The following THUMPD3 variants were observed in gnomAD, a reference collection of about 807,000 sequenced individuals.
THUMPD3 encodes the protein THUMP domain 3 tRNA guanosine methyltransferase, also known as tRNA (guanine(6)-N(2))-methyltransferase THUMP3.
A neutral mutation model predicts 54.5 loss-of-function variants in THUMPD3; 44 were observed. The ratio of observed to expected loss-of-function variants is 0.81; its 90% confidence interval spans 0.63 to 1.04. The LOEUF (loss-of-function observed/expected upper bound fraction) is 1.04. THUMPD3 is among the 50% of genes least tolerant of loss of function. THUMPD3 has a pLI of 0.00. For synonymous variants in THUMPD3, 196 were observed against 201.4 expected (o/e 0.97, Z 0.23); for missense variants, 604 against 601.3 (o/e 1.00, Z -0.05).
intron 4 of THUMPD3, among the ~76,000 whole-genome samples, chr3:9,372,116 C>T (rs2032091853): frequency 6.6e-6 from 1 of 152,162 alleles, no homozygotes; most frequent in Admixed American, 6.5e-5. Flanking sequence ...TAGTGATCTG[C>T]CTGTCTTGGC....
At chr3:9,381,897 A>G (rs2032942994) in intron 7 of THUMPD3, among the ~76,000 whole-genome samples, 1 of 147,828 alleles carries the variant, frequency 6.8e-6, no homozygotes, top group Admixed American at 6.8e-5. Flanking sequence ...CTCCTGCCTC[A>G]GCCTCCCAAG....
At chr3:9,383,979 A>C (rs2033127096) in intron 8 of THUMPD3, among the ~76,000 whole-genome samples, 1 of 152,218 alleles carries the variant, frequency 6.6e-6, no homozygotes, top group Non-Finnish European at 1.5e-5. Flanking sequence ...TTATTATACT[A>C]AGAGGACAAG....
intron 1 of THUMPD3, among the ~76,000 whole-genome samples, chr3:9,364,774 T>C (rs2031367605): frequency 6.6e-6 from 1 of 152,260 alleles, no homozygotes; most frequent in African/African-American, 2.4e-5. Context: ...AAAGCAAACA[T>C]TGCATGCTAT....
At chr3:9,383,019 G>A in intron 7 of THUMPD3, 180 bp from the exon 8 acceptor site, 1 of 492,762 alleles carries the variant, frequency 2.0e-6, no homozygotes, top group East Asian at 3.2e-5. Flanking sequence ...AAGCTACCAT[G>A]CCCAGCCTGA....
At position 9,384,605 on chromosome 3, in the gene THUMPD3, G is replaced by T. The variant is rs773820407; in HGVS notation, c.1441G>T (p.Val481Phe). Residue 481 changes from valine to phenylalanine, a missense_variant, in exon 10 of 10, where the codon GTT becomes TTT. By Grantham distance (50) the Val-to-Phe change is conservative. Coordinates refer to ENST00000452837, the MANE Select transcript of THUMPD3 (RefSeq NM_001114092.2). Reference sequence around the variant, plus strand: ...TGGTGGTCTTCGTGCTGCAGTTTACGTTCTGATACGTACACCTCAAGCTTT... The same window carrying T: ...TGGTGGTCTTCGTGCTGCAGTTTACTTTCTGATACGTACACCTCAAGCTTT... ...NVGGLRAAVYVLIRTPQAFVH... is the reference protein window; with the variant it reads ...NVGGLRAAVYFLIRTPQAFVH... 3 of 1,614,182 alleles carry T rather than the reference G, an allele frequency of 1.9e-6. No individual in the cohort carries two copies. The highest frequency in any genetic ancestry group is 2.7e-5 in the African/African-American group (2 of 75,042).
chr3:9,365,266 C>T lies in THUMPD3; in HGVS notation c.198C>T (p.Ile66=). Residue 66 remains isoleucine, a synonymous_variant, in exon 2 of 10, where the codon ATC becomes ATT. Transcript: ENST00000452837. The part of the protein sequence containing the change: ...VREKLGSSCK[I]SRDRGKIYFV... ...AGAAACTTGGGTCATCATGCAAAAT[C>T]AGCAGAGACCGTGGCAAGATATATT... The T allele has an allele frequency of 5.6e-6, 9 of 1,614,174 alleles. No individual in the cohort carries two copies. The highest frequency in any genetic ancestry group is 7.6e-6 in the Non-Finnish European group (9 of 1,180,034).
rs1205979788 is a variant in THUMPD3, at chr3:9,365,318, C to G, written c.250C>G (p.Gln84Glu). The G allele has an allele frequency of 6.2e-7, 1 of 1,614,186 alleles. No individual in the cohort carries two copies. Among genetic ancestry groups the G allele is most frequent in the African/African-American group, 1.3e-5 (1 of 75,066 alleles). ...YFVISVESLA[Q>E]VHCLRSVDNL... Reference sequence around the variant, plus strand: ...TGTCATTTCAGTGGAAAGTCTGGCACAGGTTTGAATGGAGCAATATTTAAA... The same window carrying G: ...TGTCATTTCAGTGGAAAGTCTGGCAGAGGTTTGAATGGAGCAATATTTAAA... The change falls in exon 2 of 10, where the codon CAG (glutamine) becomes GAG (glutamate). Residue 84 changes from glutamine (Q) to glutamate (E), a missense_variant and splice_region_variant. Coordinates refer to ENST00000452837, the MANE Select transcript of THUMPD3 (RefSeq NM_001114092.2).
In THUMPD3 at chr3:9,384,526, G is replaced by A. The variant is rs772626670; in HGVS notation, c.1362G>A (p.Ala454=). Residue 454 remains alanine, a splice_region_variant and synonymous_variant, in exon 10 of 10, where the codon GCG becomes GCA. Coordinates refer to ENST00000452837, the MANE Select transcript of THUMPD3 (RefSeq NM_001114092.2). ...LTQDTKCFTK[A]LSGMRHVWRK... ...TTATTTTTTTTGTGTGTACACAGGC[G>A]TTATCTGGAATGCGACACGTATGGC... The A allele has an allele frequency of 5.0e-5, 81 of 1,614,014 alleles. No homozygotes were observed. The highest frequency in any genetic ancestry group is 1.6e-4 in the Middle Eastern group (1 of 6,078).
chr3:9,383,169 T>C lies in THUMPD3; in HGVS notation c.1125-30T>C, dbSNP rs77712533. 3.4e-4 allele frequency: 504 copies of C among 1,478,118 alleles called. 2 individuals are homozygous for C. In the African/African-American group the frequency reaches 6.0e-3, roughly 18 times the overall value. 91.6% of individuals were successfully genotyped at this position (1,478,118 alleles called of 1,614,324 possible). On this transcript the variant is annotated intron_variant, in intron 7 of 9. Coordinates refer to ENST00000452837, the MANE Select transcript of THUMPD3 (RefSeq NM_001114092.2). ...TGTAATAACTTTATGCTTCACAGTATGTTGAAGCACCTTTCCTTTGTCCCC... is the reference window on the plus strand; with the variant it reads ...TGTAATAACTTTATGCTTCACAGTACGTTGAAGCACCTTTCCTTTGTCCCC...
At chr3:9,384,371 G>T in intron 9 of THUMPD3, 36 bp downstream of exon 9, 1 of 1,599,016 alleles carries the variant, frequency 6.3e-7, no homozygotes, top group Middle Eastern at 1.7e-4. Flanking sequence ...GCAGCCTGTG[G>T]CAACTTTGGG....
chr3:9,364,904 C>A, intron 1 of THUMPD3, 112 bp from the exon 2 acceptor site: 2 of 809,940 alleles, frequency 2.5e-6, no homozygotes, highest in Non-Finnish European at 1.9e-6. Flanking sequence ...ACTTTGGTGA[C>A]TGTTTATCAG....
intron 4 of THUMPD3, among the ~76,000 whole-genome samples, chr3:9,374,006 C>T (rs2032260510): frequency 6.6e-6 from 1 of 152,188 alleles, no homozygotes. Context: ...GATGTGTAAA[C>T]AGCATCCAGA....
intron 3 of THUMPD3, among the ~76,000 whole-genome samples, chr3:9,367,926 G>A (rs1046986364): frequency 1.3e-4 from 20 of 152,038 alleles, no homozygotes; most frequent in African/African-American, 2.7e-4. Context: ...TTAGCCGGGC[G>A]TAGTGGTGGG....
At chr3:9,382,063 A>T (rs562740119) in intron 7 of THUMPD3, among the ~76,000 whole-genome samples, 1 of 151,918 alleles carries the variant, frequency 6.6e-6, no homozygotes, top group Non-Finnish European at 1.5e-5. Flanking sequence ...GATTACAGGC[A>T]TGAGCCACTG....
chr3:9,383,101 TTA>T (rs776349692), intron 7 of THUMPD3, 96 bp from the exon 8 acceptor site: 49 of 738,142 alleles, frequency 6.6e-5, no homozygotes, highest in Admixed American at 2.0e-4. Context: ...CCTTAGCAGT[TTA>T]TGTTTTGCTG....
At chr3:9,375,108 C>T (rs1429279530) in intron 5 of THUMPD3, among the ~76,000 whole-genome samples, 2 of 152,130 alleles carry the variant, frequency 1.3e-5, no homozygotes, top group East Asian at 1.9e-4. Context: ...CCACCCGCCT[C>T]GGCCTCCCAA....
At position 9,371,441 on chromosome 3, in the gene THUMPD3, C is replaced by T; in HGVS notation, c.712C>T (p.His238Tyr). The change falls in exon 4 of 10, where the codon CAT becomes TAT. Residue 238 changes from histidine to tyrosine, a missense_variant. Physicochemically the swap from His to Tyr is moderately conservative, Grantham distance 83. Transcript: ENST00000452837. ...CACATGCAACAGGGCAGGAGAGAAA[C>T]ATTGCTTTACCTCAAATGAGGCTGC... ...RVTCNRAGEK[H>Y]CFTSNEAARD... The T allele has an allele frequency of 6.2e-7, 1 of 1,614,178 alleles. No individual in the cohort carries two copies. The highest frequency in any genetic ancestry group is 8.5e-7 in the Non-Finnish European group (1 of 1,180,046).
At chr3:9,369,737 CTA>C (rs2031880607) in intron 3 of THUMPD3, among the ~76,000 whole-genome samples, 1 of 152,164 alleles carries the variant, frequency 6.6e-6, no homozygotes, top group Non-Finnish European at 1.5e-5. Context: ...AACAAATACA[CTA>C]TGTAAATTCT....
chr3:9,374,073 AC>A (rs879817207), intron 4 of THUMPD3, among the ~76,000 whole-genome samples: 7 of 152,182 alleles, frequency 4.6e-5, no homozygotes, highest in Admixed American at 2.0e-4. Flanking sequence ...CCCAGTCAGT[AC>A]CCACTCAAGG....
Sources: gnomAD v4.1 joint callset for allele counts (sites outside exome capture counted in the v4.1 genomes callset) on GRCh38, gnomAD v4.1.1 for gene constraint, MANE v1.5 for transcripts, NCBI Gene and HGNC (gene_info 2026-07-23, HGNC 2026-07-21) for gene names.